Variants in BIN3 observed in about 807,000 individuals in gnomAD.
The protein encoded by BIN3 is bridging integrator 3.
A neutral mutation model predicts 38.2 loss-of-function variants in BIN3; 41 were observed. That is an observed-to-expected ratio of 1.07 (90% CI 0.84 to 1.39). The LOEUF is 1.39. Among genes scored for constraint, BIN3 ranks in the 40% most tolerant of loss-of-function variants. The probability of loss-of-function intolerance (pLI) is 0.00; values close to 1 mark genes in which losing one functional copy is unlikely to be tolerated. For missense variants in BIN3, 361 were observed against 324.3 expected, an observed-to-expected ratio of 1.11 and a Z score of -0.87; for synonymous variants, 145 against 122.6, an observed-to-expected ratio of 1.18 and a Z score of -1.21.
At chr8:22,668,710 G>T (rs1299092400) in intron 1 of BIN3, among the ~76,000 whole-genome samples, 1 of 152,202 alleles carries the variant, frequency 6.6e-6, no homozygotes, top group African/African-American at 2.4e-5. Context: ...AGAGAAAGAC[G>T]ACACTGACTC....
At chr8:22,640,828 GA>G (rs1473357351) in intron 2 of BIN3, among the ~76,000 whole-genome samples, 1 of 152,142 alleles carries the variant, frequency 6.6e-6, no homozygotes, top group Non-Finnish European at 1.5e-5. Flanking sequence ...GATCATCCTG[GA>G]AGCTGAGGAA....
At chr8:22,660,704 T>G in intron 1 of BIN3, among the ~76,000 whole-genome samples, 1 of 152,184 alleles carries the variant, frequency 6.6e-6, no homozygotes, top group Non-Finnish European at 1.5e-5. Flanking sequence ...TATGAAATAT[T>G]GTAAATACAC....
chr8:22,630,340 T>C (rs1311743212), intron 5 of BIN3, 102 bp downstream of exon 5: 2 of 1,490,212 alleles, frequency 1.3e-6, no homozygotes, highest in Non-Finnish European at 1.8e-6. Context: ...CTTAGAGCCC[T>C]GAGAGCAGAG....
At chr8:22,653,915 T>C (rs1802978119) in intron 1 of BIN3, among the ~76,000 whole-genome samples, 1 of 151,166 alleles carries the variant, frequency 6.6e-6, no homozygotes, top group Non-Finnish European at 1.5e-5. Context: ...GGACTCTTCA[T>C]TCTTCTGCTA....
At position 22,621,390 on chromosome 8, in the gene BIN3, C is replaced by A. The variant is rs201299945; in HGVS notation, c.*32G>T. On this transcript the variant is annotated 3_prime_UTR_variant, in exon 9 of 9. Transcript: ENST00000276416. ...GGGCAAGGATGAATGAGGCTGACCACGTCACAGGAGTCCTCCAAGAGTGAC... is the reference window on the plus strand; with the variant it reads ...GGGCAAGGATGAATGAGGCTGACCAAGTCACAGGAGTCCTCCAAGAGTGAC... 10 of 1,599,754 alleles carry A rather than the reference C, an allele frequency of 6.3e-6. No individual in the cohort carries two copies. The highest frequency in any genetic ancestry group is 8.5e-6 in the Non-Finnish European group (10 of 1,173,352).
intron 1 of BIN3, among the ~76,000 whole-genome samples, chr8:22,660,192 T>G (rs529346175): frequency 1.3e-5 from 2 of 152,358 alleles, no homozygotes; most frequent in East Asian, 3.9e-4. Flanking sequence ...GAGGCAAGTT[T>G]GGATTTTCTT....
chr8:22,625,202 T>C (rs2117500987), intron 6 of BIN3: 1 of 651,126 alleles, frequency 1.5e-6, no homozygotes, highest in East Asian at 2.7e-5. Context: ...GCCTCGTCTT[T>C]GTGGATCATG....
At chr8:22,641,883 C>A (rs574391672) in intron 2 of BIN3, among the ~76,000 whole-genome samples, 2 of 152,114 alleles carry the variant, frequency 1.3e-5, no homozygotes, top group Admixed American at 6.5e-5. Context: ...CTTCTTCCTA[C>A]GCTACGATGC....
At chr8:22,636,617 C>A in intron 3 of BIN3, 31 bp from the exon 4 acceptor site, 1 of 1,548,838 alleles carries the variant, frequency 6.5e-7, no homozygotes, top group South Asian at 1.2e-5. Context: ...TGCTTGGGGT[C>A]CCCTTCCTTC....
intron 2 of BIN3, among the ~76,000 whole-genome samples, chr8:22,640,070 C>T (rs1261752998): frequency 6.6e-6 from 1 of 151,896 alleles, no homozygotes; most frequent in East Asian, 1.9e-4. Context: ...CCATGTTGGT[C>T]AGGCTGGCCT....
intron 1 of BIN3, among the ~76,000 whole-genome samples, chr8:22,653,465 T>A (rs57721542): frequency 0.02 from 2,975 of 152,352 alleles, 78 homozygotes; most frequent in East Asian, 0.062. Flanking sequence ...ATTTTCTCTC[T>A]AGTTTTTAAG....
intron 4 of BIN3, among the ~76,000 whole-genome samples, chr8:22,631,732 C>T (rs554197914): frequency 6.6e-6 from 1 of 152,296 alleles, no homozygotes; most frequent in South Asian, 2.1e-4. Context: ...ACCGGATCCC[C>T]ATGAATGTGC....
chr8:22,631,706 T>C (rs1563952313), intron 4 of BIN3, among the ~76,000 whole-genome samples: 4 of 152,126 alleles, frequency 2.6e-5, no homozygotes, highest in Admixed American at 2.0e-4. Context: ...ACTGACGTTT[T>C]TCAAGGCACC....
chr8:22,626,818 A>G (rs1189247926), intron 6 of BIN3, among the ~76,000 whole-genome samples: 1 of 152,066 alleles, frequency 6.6e-6, no homozygotes, highest in African/African-American at 2.4e-5. Flanking sequence ...ACCCCCCAAC[A>G]TCCCCTGAGG....
intron 2 of BIN3, among the ~76,000 whole-genome samples, chr8:22,642,114 G>A (rs1585191490): frequency 6.6e-6 from 1 of 152,310 alleles, no homozygotes; most frequent in East Asian, 1.9e-4. Context: ...GTGCCTGACA[G>A]TTGGGTGCCT....
At chr8:22,653,340 C>T (rs1003170144) in intron 1 of BIN3, among the ~76,000 whole-genome samples, 1 of 152,008 alleles carries the variant, frequency 6.6e-6, no homozygotes, top group Non-Finnish European at 1.5e-5. Context: ...TAATGGATTA[C>T]TCACTTTTGG....
rs1803323165 is a variant in BIN3, at chr8:22,663,818, C to T, written c.8+5226G>A. Among the ~76,000 whole-genome samples the T allele has an allele frequency of 2.6e-5, 4 of 152,290 alleles. No individual in the cohort carries two copies. The South Asian group carries it at 8.3e-4, about 32-fold the overall frequency. On this transcript the variant is annotated intron_variant, in intron 1 of 8. Transcript: ENST00000276416. The stretch of plus-strand genomic sequence containing the variant: ...GCTTCTTACCTGGATCCTTCTCTCC[C>T]TCCCACTGAAACAGCACGTATTTGC...
In BIN3 at chr8:22,636,451, G is replaced by T; in HGVS notation, c.160+74C>A. The T allele has an allele frequency of 3.4e-6, 5 of 1,461,276 alleles. No individual in the cohort carries two copies. The South Asian group carries it at 3.7e-5, about 11-fold the overall frequency. 90.5% of individuals were successfully genotyped at this position (1,461,276 alleles called of 1,614,324 possible). ...GAGCGCAGCAACTTCAGAGCCCTTGGGGGGCTGAGAGAGGAGGGTGCCCAC... is the reference window on the plus strand; with the variant it reads ...GAGCGCAGCAACTTCAGAGCCCTTGTGGGGCTGAGAGAGGAGGGTGCCCAC... On this transcript the variant is annotated intron_variant, in intron 4 of 8. Transcript: ENST00000276416.
intron 1 of BIN3, among the ~76,000 whole-genome samples, chr8:22,654,248 A>T (rs1412023110): frequency 1.3e-5 from 2 of 152,206 alleles, no homozygotes; most frequent in Non-Finnish European, 1.5e-5. Flanking sequence ...ATGCCTTAAA[A>T]AACTGCTTTA....
Sources: allele counts gnomAD v4.1 joint callset (sites outside exome capture counted in the v4.1 genomes callset), GRCh38; gene constraint gnomAD v4.1.1; transcripts MANE v1.5; gene names NCBI Gene and HGNC (gene_info 2026-07-23, HGNC 2026-07-21).